The following UBAP2 variants were observed in gnomAD, a reference collection of about 807,000 sequenced individuals.
The protein encoded by UBAP2 is ubiquitin associated protein 2, also known as ubiquitin-associated protein 2.
In UBAP2, 75 loss-of-function variants were observed where a neutral mutation model predicts 139.6. The observed-to-expected ratio is 0.54, with a 90% CI of 0.45 to 0.65. The LOEUF is 0.65. Among genes scored for constraint, UBAP2 ranks in the 30% least tolerant of loss-of-function variants. The pLI, the probability that UBAP2 is intolerant of heterozygous loss-of-function variation, is 0.00. For synonymous variants in UBAP2, 526 were observed against 526.2 expected, an observed-to-expected ratio of 1.00 and a Z score of 0.01; for missense variants, 1,368 against 1,369.6, an observed-to-expected ratio of 1.00 and a Z score of 0.02.
At chr9:34,020,955 C>T (rs888981212) in intron 1 of UBAP2, among the ~76,000 whole-genome samples, 4 of 152,130 alleles carry the variant, frequency 2.6e-5, no homozygotes, top group African/African-American at 9.7e-5. Context: ...GGCCGGAATT[C>T]TGTTTTCTAG....
intron 6 of UBAP2, among the ~76,000 whole-genome samples, chr9:33,986,059 T>C (rs1821180169): frequency 6.6e-6 from 1 of 152,008 alleles, no homozygotes; most frequent in Non-Finnish European, 1.5e-5. Context: ...TTTTGTATTT[T>C]GTATTTTTTC....
Position 33,935,163 on chromosome 9 carries a change from CGGG to C in UBAP2, c.1969+673_1969+675del, listed in dbSNP as rs11317017. ...GTAATCACTGAGCTGTTGGAAGTGG[CGGG>C]GGGGGGGGGTCTCATTTTCTCCCAA... On this transcript the variant is annotated intron_variant, in intron 17 of 28. Coordinates refer to ENST00000379238, the MANE Select transcript of UBAP2 (RefSeq NM_001370062.2). 6.2e-3 allele frequency among the ~76,000 whole-genome samples: 542 copies of C among 87,918 alleles called. 48 individuals carry two copies. The highest frequency in any genetic ancestry group is 7.1e-3 in the Non-Finnish European group (289 of 40,424). The allele number at this position is 87,918 out of a possible 152,430, so 57.7% of individuals were successfully genotyped here. A position where few individuals can be genotyped will look rare whatever the true frequency, so the allele number is the denominator to read the frequency against.
At chr9:34,037,547 ATAT>A (rs1226423666) in intron 1 of UBAP2, among the ~76,000 whole-genome samples, 2 of 152,232 alleles carry the variant, frequency 1.3e-5, no homozygotes, top group Non-Finnish European at 2.9e-5. Flanking sequence ...CATGGAATAC[ATAT>A]TTTTAGACTT....
At chr9:33,979,161 G>T (rs1441276174) in intron 6 of UBAP2, among the ~76,000 whole-genome samples, 1 of 152,094 alleles carries the variant, frequency 6.6e-6, no homozygotes, top group Admixed American at 6.5e-5. Context: ...TTGCTTGAAC[G>T]TAAGAGTTGG....
intron 2 of UBAP2, among the ~76,000 whole-genome samples, chr9:34,003,090 T>C (rs1198997819): frequency 6.6e-6 from 1 of 151,874 alleles, no homozygotes; most frequent in Admixed American, 6.6e-5. Flanking sequence ...AGACGAAGTC[T>C]CCCTCTGTTG....
At chr9:33,943,720 G>A in intron 14 of UBAP2, 131 bp from the exon 15 acceptor site, 2 of 773,376 alleles carry the variant, frequency 2.6e-6, no homozygotes, top group Non-Finnish European at 4.0e-6. Context: ...GAAACAAGGA[G>A]AAAATAGGCT....
At chr9:34,006,948 T>C (rs1003919306) in intron 2 of UBAP2, among the ~76,000 whole-genome samples, 4 of 152,146 alleles carry the variant, frequency 2.6e-5, no homozygotes, top group African/African-American at 9.7e-5. Context: ...ATATAATGAG[T>C]ACCTGAACAA....
intron 2 of UBAP2, among the ~76,000 whole-genome samples, chr9:34,015,769 A>T (rs1289919018): frequency 1.3e-5 from 2 of 152,144 alleles, no homozygotes; most frequent in East Asian, 3.9e-4. Context: ...CATCATCATA[A>T]GTGATCCTCC....
intron 20 of UBAP2, among the ~76,000 whole-genome samples, chr9:33,927,375 T>C (rs1823535721): frequency 6.6e-6 from 1 of 152,092 alleles, no homozygotes; most frequent in Admixed American, 6.6e-5. Context: ...AAAAAGAATC[T>C]GCCTCCTCCA....
chr9:33,989,195 GTATC>G (rs1821475151), intron 4 of UBAP2, 69 bp from the exon 5 acceptor site: 7 of 1,332,920 alleles, frequency 5.3e-6, no homozygotes, highest in Non-Finnish European at 6.9e-6. Flanking sequence ...GCACATGCAT[GTATC>G]TTTCTTTTTT....
At chr9:33,961,478 G>C (rs1417866936) in intron 9 of UBAP2, among the ~76,000 whole-genome samples, 1 of 152,182 alleles carries the variant, frequency 6.6e-6, no homozygotes, top group Non-Finnish European at 1.5e-5. Context: ...CGCTCAAACA[G>C]TTCTTACAGA....
chr9:33,952,880 T>TC (rs1826221051), intron 12 of UBAP2: 1 of 154,656 alleles, frequency 6.5e-6, no homozygotes, highest in South Asian at 2.0e-4. Context: ...TTTTGATGTT[T>TC]TGTTTTAGAG....
chr9:33,976,467 A>C (rs1828353924), intron 6 of UBAP2, among the ~76,000 whole-genome samples: 1 of 152,208 alleles, frequency 6.6e-6, no homozygotes, highest in Non-Finnish European at 1.5e-5. Flanking sequence ...ATTTACAGGA[A>C]ATGTCCAGAA....
chr9:34,029,467 T>A (rs1027781783), intron 1 of UBAP2, among the ~76,000 whole-genome samples: 32 of 150,532 alleles, frequency 2.1e-4, no homozygotes, highest in Non-Finnish European at 3.7e-4. Flanking sequence ...AGGCGGAGGT[T>A]GCAATGAGCC....
intron 4 of UBAP2, 77 bp from the exon 5 acceptor site, chr9:33,989,203 CTTT>C (rs34957423): frequency 0.02 from 23,983 of 1,174,564 alleles, 1 homozygote; most frequent in East Asian, 0.064. Context: ...ATGTATCTTT[CTTT>C]TTTTTTTTTT....
At chr9:34,007,600 G>A (rs757694545) in intron 2 of UBAP2, among the ~76,000 whole-genome samples, 1 of 150,368 alleles carries the variant, frequency 6.7e-6, no homozygotes. Flanking sequence ...ATTTTTCAGC[G>A]TTTATTGAAA....
intron 1 of UBAP2, among the ~76,000 whole-genome samples, chr9:34,026,823 T>A (rs1825438207): frequency 6.6e-6 from 1 of 152,230 alleles, no homozygotes; most frequent in Admixed American, 6.6e-5. Context: ...GACATTTGGC[T>A]CTACAGTGTG....
At chr9:33,937,755 C>CAAAA (rs34776998) in intron 16 of UBAP2, among the ~76,000 whole-genome samples, 5 of 103,606 alleles carry the variant, frequency 4.8e-5, no homozygotes, top group African/African-American at 1.8e-4. Flanking sequence ...TTAAAAAATA[C>CAAAA]AAAAAAAAAA....
At chr9:33,927,759 G>C (rs1045161805) in intron 20 of UBAP2, 38 bp downstream of exon 20, 1 of 1,573,078 alleles carries the variant, frequency 6.4e-7, no homozygotes, top group Non-Finnish European at 8.6e-7. Context: ...CCTTTGAGGG[G>C]CTCAGGGGTG....
Sources: allele counts gnomAD v4.1 joint callset (sites outside exome capture counted in the v4.1 genomes callset), GRCh38; gene constraint gnomAD v4.1.1; transcripts MANE v1.5; gene names NCBI Gene and HGNC (gene_info 2026-07-23, HGNC 2026-07-21).